Variants in NRXN1 observed in about 807,000 individuals in gnomAD.
NRXN1 encodes the protein neurexin 1.
Under a neutral mutation model 150.9 loss-of-function variants are expected in NRXN1, and 39 were observed. The ratio of observed to expected loss-of-function variants is 0.26; its 90% CI spans 0.20 to 0.34. The LOEUF (loss-of-function observed/expected upper bound fraction) is 0.34, where lower values mean the gene tolerates loss of function less well. Among genes scored for constraint, NRXN1 ranks in the 10% least tolerant of loss-of-function variants. The probability of loss-of-function intolerance (pLI) is 1.00; values close to 1 mark genes in which losing one functional copy is unlikely to be tolerated. For synonymous variants in NRXN1, 924 were observed against 757.0 expected (o/e 1.22, Z -3.62); for missense variants, 1,815 against 1,949.9 (o/e 0.93, Z 1.30).
At chr2:50,647,200 G>C (rs1684952536) in intron 5 of NRXN1, among the ~76,000 whole-genome samples, 1 of 151,900 alleles carries the variant, frequency 6.6e-6, no homozygotes, top group East Asian at 1.9e-4. Context: ...AAGAAAAAAA[G>C]CGGAAACTTA....
At chr2:50,242,060 T>C (rs2152887074) in intron 17 of NRXN1, among the ~76,000 whole-genome samples, 1 of 151,948 alleles carries the variant, frequency 6.6e-6, no homozygotes, top group Non-Finnish European at 1.5e-5. Context: ...TCAAATGTCA[T>C]CTTGTAGCCA....
chr2:50,515,788 C>G (rs1271722349), intron 12 of NRXN1, among the ~76,000 whole-genome samples: 1 of 151,992 alleles, frequency 6.6e-6, no homozygotes, highest in Non-Finnish European at 1.5e-5. Context: ...TGGAAGCAAG[C>G]CTTGTCATTG....
chr2:50,699,199 A>G (rs1037952852), intron 5 of NRXN1, among the ~76,000 whole-genome samples: 1 of 152,160 alleles, frequency 6.6e-6, no homozygotes, highest in African/African-American at 2.4e-5. Flanking sequence ...TGGAAACAAA[A>G]GCATTGGTTA....
intron 5 of NRXN1, among the ~76,000 whole-genome samples, chr2:50,660,181 T>A (rs1012234772): frequency 1.3e-5 from 2 of 152,064 alleles, no homozygotes; most frequent in African/African-American, 4.8e-5. Flanking sequence ...TTAACTATCA[T>A]AAATATTCTT....
chr2:50,187,091 A>G (rs4971655), intron 18 of NRXN1, among the ~76,000 whole-genome samples: 27,313 of 151,984 alleles, frequency 0.18, 2,922 homozygotes, highest in East Asian at 0.41. Context: ...TCAATGGCTG[A>G]TTCTATGTTT....
Position 50,346,965 on chromosome 2 carries a change from G to A in NRXN1, c.3365-109995C>T. ...TCTGGTACATGGCGGGGCGCCCGCCGAGGGGCAGCCGCCGCGGGAGGCAAA... is the reference window on the plus strand; with the variant it reads ...TCTGGTACATGGCGGGGCGCCCGCCAAGGGGCAGCCGCCGCGGGAGGCAAA... On this transcript the variant is annotated intron_variant, in intron 17 of 22. Coordinates refer to ENST00000401669, the MANE Select transcript of NRXN1 (RefSeq NM_001330078.2). This position sits in a 1 kb window ranked among gnomAD's most constrained non-coding sequence, Gnocchi z 5.0. The A allele has an allele frequency of 7.3e-7, 1 of 1,367,562 alleles. No individual in the cohort carries two copies. The highest frequency in any genetic ancestry group is 9.4e-7 in the Non-Finnish European group (1 of 1,059,808). The allele number at this position is 1,367,562 out of a possible 1,614,324, so 84.7% of individuals were successfully genotyped here.
rs368477098 is a variant in NRXN1, at chr2:50,813,941, T to G, written c.832+107928A>C. On this transcript the variant is annotated intron_variant, in intron 5 of 22. Coordinates refer to ENST00000401669, the MANE Select transcript of NRXN1 (RefSeq NM_001330078.2). ...TATTTTTTATTAAGAAGCTTAGTTG[T>G]TTCTACCAAGATTAAAGAGGAGATC... Among the ~76,000 whole-genome samples the G allele has an allele frequency of 5.0e-4, 63 of 125,308 alleles. 1 individual carries two copies. Among genetic ancestry groups the G allele is most frequent in the African/African-American group, 1.6e-3 (59 of 36,462 alleles). The allele number at this position is 125,308 out of a possible 152,430, so 82.2% of individuals were successfully genotyped here. A position where few individuals can be genotyped will look rare whatever the true frequency, so the allele number is the denominator to read the frequency against.
intron 17 of NRXN1, among the ~76,000 whole-genome samples, chr2:50,314,265 T>C (rs1395348821): frequency 2.0e-5 from 3 of 152,060 alleles, no homozygotes; most frequent in Non-Finnish European, 4.4e-5. Flanking sequence ...TTCACTTTGA[T>C]CTGTTTCCCA....
chr2:50,473,480 A>C (rs1028187964), intron 15 of NRXN1, among the ~76,000 whole-genome samples: 3 of 152,046 alleles, frequency 2.0e-5, no homozygotes, highest in African/African-American at 7.2e-5. Flanking sequence ...CATTTAATCA[A>C]TGTGGAACAT....
At position 50,479,840 on chromosome 2, in the gene NRXN1, C is replaced by T. The variant is rs567970145; in HGVS notation, c.3071-7369G>A. ...CCAGGCTGGAGTGCAGTGGCACAAT[C>T]TTGGCTCACTGCAACCTCCGCCTCC... On this transcript the variant is annotated intron_variant, in intron 15 of 22. Coordinates refer to ENST00000401669, the MANE Select transcript of NRXN1 (RefSeq NM_001330078.2). 1.9e-4 allele frequency among the ~76,000 whole-genome samples: 23 copies of T among 122,252 alleles called. No individual in the cohort carries two copies. The Middle Eastern group carries it at 0.042, about 221-fold the overall frequency. The allele number at this position is 122,252 out of a possible 152,430, so 80.2% of individuals were successfully genotyped here.
At chr2:51,010,182 G>A (rs896869632) in intron 2 of NRXN1, among the ~76,000 whole-genome samples, 1 of 151,944 alleles carries the variant, frequency 6.6e-6, no homozygotes. Flanking sequence ...CCTCAAGATG[G>A]AGAGTCACCA....
chr2:50,006,643 A>T (rs929136750), intron 21 of NRXN1, among the ~76,000 whole-genome samples: 1 of 152,306 alleles, frequency 6.6e-6, no homozygotes, highest in African/African-American at 2.4e-5. Context: ...CCACCTTTAA[A>T]GAAACAAATG....
chr2:50,588,982 TGGTTC>T (rs1673650139), intron 8 of NRXN1: 1 of 152,144 alleles, frequency 6.6e-6, no homozygotes. Flanking sequence ...TATACCCGAA[TGGTTC>T]TTTTTTTCCA....
At chr2:50,931,459 A>C (rs960949726) in intron 2 of NRXN1, among the ~76,000 whole-genome samples, 1 of 152,126 alleles carries the variant, frequency 6.6e-6, no homozygotes, top group East Asian at 1.9e-4. Context: ...ACAGAAAATA[A>C]AATTATTTAT....
chr2:50,445,662 C>G (rs531570135), intron 17 of NRXN1, among the ~76,000 whole-genome samples: 2 of 152,126 alleles, frequency 1.3e-5, no homozygotes, highest in African/African-American at 4.8e-5. Flanking sequence ...ATACTCTGCA[C>G]GAGGAAATAA....
chr2:50,834,752 A>G (rs1671873773), intron 5 of NRXN1, among the ~76,000 whole-genome samples: 1 of 152,118 alleles, frequency 6.6e-6, no homozygotes, highest in African/African-American at 2.4e-5. Flanking sequence ...TGCGTATCTT[A>G]GATTCCTAAG....
intron 21 of NRXN1, among the ~76,000 whole-genome samples, chr2:50,050,426 G>C (rs1329807013): frequency 6.6e-6 from 1 of 151,954 alleles, no homozygotes; most frequent in African/African-American, 2.4e-5. Flanking sequence ...TGCCATTGTA[G>C]CTTAAGTGGC....
intron 21 of NRXN1, among the ~76,000 whole-genome samples, chr2:50,043,887 T>A (rs1421572): frequency 6.6e-6 from 1 of 151,780 alleles, no homozygotes; most frequent in African/African-American, 2.4e-5. Context: ...AAATGGAGAA[T>A]CATTTCTCTT....
At chr2:50,113,180 TAG>T (rs1439224041) in intron 18 of NRXN1, among the ~76,000 whole-genome samples, 1 of 152,212 alleles carries the variant, frequency 6.6e-6, no homozygotes, top group Non-Finnish European at 1.5e-5. Context: ...TGGATCACAG[TAG>T]GTACTTAATA....
Sources: allele counts gnomAD v4.1 joint callset (sites outside exome capture counted in the v4.1 genomes callset), GRCh38; gene constraint gnomAD v4.1.1; non-coding constraint Gnocchi (gnomAD v3.1); transcripts MANE v1.5; gene names NCBI Gene and HGNC (gene_info 2026-07-23, HGNC 2026-07-21).